Variants in CFAP20 observed in about 807,000 individuals in gnomAD.
The protein encoded by CFAP20 is cilia and flagella associated protein 20.
CFAP20 carries 14 observed loss-of-function variants against 25.5 expected under a neutral mutation model. The observed-to-expected ratio is 0.55, with a 90% confidence interval of 0.36 to 0.86. The LOEUF (loss-of-function observed/expected upper bound fraction) is 0.86. CFAP20 is among the 40% of genes least tolerant of loss of function. CFAP20 has a pLI of 0.01. For missense variants in CFAP20, 181 were observed against 248.0 expected (o/e 0.73, Z 1.81); for synonymous variants, 75 against 91.1 (o/e 0.82, Z 1.01).
intron 1 of CFAP20, among the ~76,000 whole-genome samples, chr16:58,118,075 T>G (rs1960483971): frequency 6.6e-6 from 1 of 152,206 alleles, no homozygotes; most frequent in South Asian, 2.1e-4. Flanking sequence ...GGAATCAATA[T>G]TCAATACAGA....
chr16:58,128,991 G>GCAGC (rs1449875815), intron 1 of CFAP20, 41 bp downstream of exon 1: 1 of 1,586,510 alleles, frequency 6.3e-7, no homozygotes, highest in South Asian at 1.1e-5. Flanking sequence ...AGGAGGGGGT[G>GCAGC]CAGCCCCTCC....
At chr16:58,117,103 T>G in intron 1 of CFAP20, 152 bp from the exon 2 acceptor site, 1 of 631,696 alleles carries the variant, frequency 1.6e-6, no homozygotes, top group East Asian at 2.8e-5. Context: ...CTATTACCTC[T>G]AGACAGGGTC....
At chr16:58,122,479 G>A (rs1960547164) in intron 1 of CFAP20, among the ~76,000 whole-genome samples, 1 of 152,116 alleles carries the variant, frequency 6.6e-6, no homozygotes, top group Admixed American at 6.6e-5. Flanking sequence ...CTACTCAGGA[G>A]GCTGAGGCAG....
intron 1 of CFAP20, among the ~76,000 whole-genome samples, chr16:58,121,150 C>G (rs1960529287): frequency 6.6e-6 from 1 of 152,284 alleles, no homozygotes; most frequent in African/African-American, 2.4e-5. Context: ...CAATTTGGGG[C>G]AAAGGCTCCC....
chr16:58,114,772 C>A (rs1451029079), intron 5 of CFAP20, 38 bp downstream of exon 5: 1 of 1,521,670 alleles, frequency 6.6e-7, no homozygotes. Context: ...GCTCCCCCCA[C>A]TCACTGGTGG....
chr16:58,115,747 C>A, intron 3 of CFAP20: 1 of 530,944 alleles, frequency 1.9e-6, no homozygotes. Context: ...ATCAGAAATA[C>A]TAAAACAGAA....
intron 2 of CFAP20, chr16:58,116,622 G>A (rs1052429073): frequency 1.7e-5 from 9 of 514,452 alleles, no homozygotes; most frequent in Non-Finnish European, 3.1e-5. Flanking sequence ...AAGGCTTTAC[G>A]TGTTTTATAT....
chr16:58,114,678 T>C (rs752388056), intron 5 of CFAP20, 132 bp downstream of exon 5: 19 of 653,652 alleles, frequency 2.9e-5, no homozygotes, highest in Middle Eastern at 4.1e-4. Flanking sequence ...ACCTAAGATC[T>C]TGCGATATAA....
At chr16:58,127,078 C>A (rs775950271) in intron 1 of CFAP20, among the ~76,000 whole-genome samples, 1 of 152,170 alleles carries the variant, frequency 6.6e-6, no homozygotes, top group African/African-American at 2.4e-5. Context: ...CCATGCCAAT[C>A]GATTTAACAA....
chr16:58,117,223 C>T (rs1319776060), intron 1 of CFAP20: 2 of 474,494 alleles, frequency 4.2e-6, no homozygotes, highest in Non-Finnish European at 7.5e-6. Context: ...TACTGAATGC[C>T]TACTATGCAC....
intron 5 of CFAP20, 50 bp downstream of exon 5, chr16:58,114,760 C>A: frequency 6.9e-7 from 1 of 1,458,584 alleles, no homozygotes. Context: ...TCCAGGAACA[C>A]AGCTCCCCCC....
At position 58,121,133 on chromosome 16, in the gene CFAP20, C is replaced by T. The variant is rs144155268; in HGVS notation, c.85-4182G>A. ...TAAAACTAGGATCAAAGGGGAGAGG[C>T]GACAGGCAATTTGGGGCAAAGGCTC... On this transcript the variant is annotated intron_variant, in intron 1 of 5. Coordinates refer to ENST00000262498, the MANE Select transcript of CFAP20 (RefSeq NM_013242.3). 1.9e-4 allele frequency among the ~76,000 whole-genome samples: 29 copies of T among 152,198 alleles called. No homozygotes were observed. The East Asian group carries it at 4.8e-3, about 25-fold the overall frequency.
At chr16:58,118,839 CA>C (rs949515857) in intron 1 of CFAP20, among the ~76,000 whole-genome samples, 14 of 151,968 alleles carry the variant, frequency 9.2e-5, no homozygotes, top group African/African-American at 2.9e-4. Context: ...AACAAACAAA[CA>C]AAAAAACAAG....
intron 1 of CFAP20, among the ~76,000 whole-genome samples, chr16:58,122,038 G>C (rs934516811): frequency 2.0e-5 from 3 of 152,216 alleles, no homozygotes; most frequent in Non-Finnish European, 4.4e-5. Flanking sequence ...CAGCAGGAAA[G>C]TTCCTGCACT....
At chr16:58,118,079 A>G (rs1013841239) in intron 1 of CFAP20, among the ~76,000 whole-genome samples, 2 of 152,236 alleles carry the variant, frequency 1.3e-5, no homozygotes, top group Admixed American at 6.5e-5. Context: ...TCAATATTCA[A>G]TACAGATTCC....
intron 1 of CFAP20, 194 bp from the exon 2 acceptor site, chr16:58,117,145 T>G: frequency 1.8e-6 from 1 of 550,544 alleles, no homozygotes. Context: ...CCAGGTAACT[T>G]GGCAATCCCT....
At chr16:58,114,399 G>A (rs1055681485) in intron 5 of CFAP20, among the ~76,000 whole-genome samples, 2 of 152,018 alleles carry the variant, frequency 1.3e-5, no homozygotes, top group Non-Finnish European at 2.9e-5. Flanking sequence ...GGTGGCAGGC[G>A]CCTGTAATCC....
At chr16:58,127,206 T>G (rs562056396) in intron 1 of CFAP20, among the ~76,000 whole-genome samples, 1 of 152,350 alleles carries the variant, frequency 6.6e-6, no homozygotes, top group Admixed American at 6.5e-5. Flanking sequence ...TGTTGACTAT[T>G]CAAAAAGCCT....
In CFAP20 at chr16:58,117,072, C is replaced by T. The variant is rs1960467374; in HGVS notation, c.85-121G>A. 5.1e-6 allele frequency: 4 copies of T among 787,704 alleles called. No individual in the cohort carries two copies. In the African/African-American group the frequency reaches 5.2e-5, roughly 10 times the overall value. 48.8% of individuals were successfully genotyped at this position (787,704 alleles called of 1,614,324 possible). A position where few individuals can be genotyped will look rare whatever the true frequency, so the allele number is the denominator to read the frequency against. ...AAATTTGTGACACAGCACACTGAAG[C>T]TTATATGTAAGTAAGCCAAGCTATT... is the stretch of plus-strand genomic sequence containing the variant. On this transcript the variant is annotated intron_variant, in intron 1 of 5. Coordinates refer to ENST00000262498, the MANE Select transcript of CFAP20 (RefSeq NM_013242.3).
Sources: gnomAD v4.1 joint callset for allele counts (sites outside exome capture counted in the v4.1 genomes callset) on GRCh38, gnomAD v4.1.1 for gene constraint, MANE v1.5 for transcripts, NCBI Gene and HGNC (gene_info 2026-07-23, HGNC 2026-07-21) for gene names.